The following ATP13A4 variants were observed in gnomAD, a reference collection of about 807,000 sequenced individuals.
The protein encoded by ATP13A4 is probable cation-transporting ATPase 13A4.
In ATP13A4, 114 loss-of-function variants were observed where a neutral mutation model predicts 142.5. That is an observed-to-expected ratio of 0.80 (90% CI 0.69 to 0.93). ATP13A4 has a LOEUF of 0.93. ATP13A4 is among the 40% of genes least tolerant of loss of function. The probability of loss-of-function intolerance (pLI) is 0.00; values close to 1 mark genes in which losing one functional copy is unlikely to be tolerated. For missense variants in ATP13A4, 1,392 were observed against 1,454.0 expected, an observed-to-expected ratio of 0.96 and a Z score of 0.69; for synonymous variants, 488 against 514.8, an observed-to-expected ratio of 0.95 and a Z score of 0.70.
chr3:193,510,651 A>T (rs1721096009), intron 2 of ATP13A4, among the ~76,000 whole-genome samples: 1 of 152,340 alleles, frequency 6.6e-6, no homozygotes, highest in East Asian at 1.9e-4. Context: ...AAAATCTCTC[A>T]GAGTCCTTAA....
rs1714265049 is a variant in ATP13A4, at chr3:193,401,660, G to A, written c.*992C>T. 6.6e-6 allele frequency among the ~76,000 whole-genome samples: 1 copy of A among 152,064 alleles called. No individual in the cohort carries two copies. Among genetic ancestry groups the A allele is most frequent in the Non-Finnish European group, 1.5e-5 (1 of 68,000 alleles). On this transcript the variant is annotated 3_prime_UTR_variant, in exon 30 of 30. Transcript: ENST00000342695. ...TCCAGACCAACTCTATCATTTGTGG[G>A]GCCTGGTACAAAATGAAAATATGGG...
chr3:193,502,920 T>A (rs1484465123), intron 2 of ATP13A4, among the ~76,000 whole-genome samples: 1 of 152,062 alleles, frequency 6.6e-6, no homozygotes, highest in Non-Finnish European at 1.5e-5. Flanking sequence ...GTTCACTGCA[T>A]CACCTTTCAA....
intron 9 of ATP13A4, among the ~76,000 whole-genome samples, chr3:193,468,940 G>T (rs1237699909): frequency 6.6e-6 from 1 of 152,246 alleles, no homozygotes; most frequent in African/African-American, 2.4e-5. Context: ...ACTGTAAGTT[G>T]AAGTTGCCTT....
chr3:193,442,457 G>C lies in ATP13A4; in HGVS notation c.2252C>G (p.Ser751Cys). 6.2e-7 allele frequency: 1 copy of C among 1,614,016 alleles called. No homozygotes were observed. The highest frequency in any genetic ancestry group is 8.5e-7 in the Non-Finnish European group (1 of 1,179,880). The change falls in exon 19 of 30, where the codon TCC becomes TGC. Residue 751 changes from serine (S) to cysteine (C), a missense_variant. Coordinates refer to ENST00000342695, the MANE Select transcript of ATP13A4 (RefSeq NM_032279.4). ...ILIEANETTG[S>C]SSASISWTLV... ...CGTCCAAGATATAGATGCTGATGAG[G>C]ACCCGGTGGTTTCATTTGCCTCAAT...
At chr3:193,543,623 T>G (rs1723064231) in intron 1 of ATP13A4, among the ~76,000 whole-genome samples, 1 of 152,126 alleles carries the variant, frequency 6.6e-6, no homozygotes, top group Non-Finnish European at 1.5e-5. Flanking sequence ...CTCTTGAGGA[T>G]TTTTGCTTCT....
At chr3:193,408,989 A>C (rs1714640437) in intron 28 of ATP13A4, among the ~76,000 whole-genome samples, 1 of 152,242 alleles carries the variant, frequency 6.6e-6, no homozygotes, top group Non-Finnish European at 1.5e-5. Context: ...AAAATGTGGA[A>C]GAAGAATATA....
chr3:193,543,449 T>C (rs1008194927), intron 1 of ATP13A4, among the ~76,000 whole-genome samples: 2 of 152,078 alleles, frequency 1.3e-5, no homozygotes, highest in African/African-American at 4.8e-5. Flanking sequence ...AACAACCCCA[T>C]TGGCAAATGG....
At chr3:193,519,775 G>T (rs951997439) in intron 1 of ATP13A4, among the ~76,000 whole-genome samples, 1 of 151,412 alleles carries the variant, frequency 6.6e-6, no homozygotes, top group Non-Finnish European at 1.5e-5. Context: ...CTCCTGAGTA[G>T]CTGGGATTAC....
rs1016631957 is a variant in ATP13A4 at position 193,422,441 on chromosome 3, G to A, written c.2843-7691C>T. On this transcript the variant is annotated intron_variant, in intron 25 of 29. Transcript: ENST00000342695. Reference sequence around the variant, plus strand: ...AAGAATACACATTATTTTCTAATGCGCATGGAACATTCTCCAGTTTAGATC... The same window carrying A: ...AAGAATACACATTATTTTCTAATGCACATGGAACATTCTCCAGTTTAGATC... Among the ~76,000 whole-genome samples the A allele has an allele frequency of 6.0e-5, 6 of 100,410 alleles. 1 individual carries two copies. The highest frequency in any genetic ancestry group is 1.1e-4 in the Admixed American group (1 of 9,410). The allele number at this position is 100,410 out of a possible 152,430, so 65.9% of individuals were successfully genotyped here. A position where few individuals can be genotyped will look rare whatever the true frequency, so the allele number is the denominator to read the frequency against.
rs190039777 is a variant in ATP13A4, at chr3:193,484,844, A to G, written c.739-839T>C. Among the ~76,000 whole-genome samples the G allele has an allele frequency of 1.8e-4, 27 of 152,362 alleles. 1 individual carries two copies. In the East Asian group the frequency reaches 5.0e-3, roughly 28 times the overall value. ...TGAGAAAAGTAGGTTTTAATCAAGT[A>G]ACTACATATATAAATGTATAATGAC... On this transcript the variant is annotated intron_variant, in intron 7 of 29. Coordinates refer to ENST00000342695, the MANE Select transcript of ATP13A4 (RefSeq NM_032279.4).
At chr3:193,483,039 G>A (rs1038113088) in intron 8 of ATP13A4, among the ~76,000 whole-genome samples, 1 of 152,134 alleles carries the variant, frequency 6.6e-6, no homozygotes, top group Admixed American at 6.6e-5. Flanking sequence ...TCTATACACT[G>A]AGATAGCCTC....
intron 17 of ATP13A4, among the ~76,000 whole-genome samples, chr3:193,451,501 T>G (rs997673350): frequency 6.6e-6 from 1 of 152,230 alleles, no homozygotes; most frequent in Non-Finnish European, 1.5e-5. Context: ...CATGAGCATT[T>G]AATCTGAACC....
At chr3:193,503,185 C>T (rs548921801) in intron 2 of ATP13A4, among the ~76,000 whole-genome samples, 18 of 152,310 alleles carry the variant, frequency 1.2e-4, no homozygotes, top group African/African-American at 4.3e-4. Context: ...ATGTGGAGCA[C>T]TGAGACCTGC....
rs368640670 is a variant in ATP13A4 at position 193,466,088 on chromosome 3, C to G, written c.1209G>C (p.Leu403=). Residue 403 remains leucine (L), a synonymous_variant, in exon 11 of 30, where the codon CTG becomes CTC. Transcript: ENST00000342695. Reference sequence around the variant, plus strand: ...CAATGGTGGCTGTTCCTACAAGGCACAGGAGGAACCTGATGGCATCCCTGT... The same window carrying G: ...CAATGGTGGCTGTTCCTACAAGGCAGAGGAGGAACCTGATGGCATCCCTGT... ...QLYRDAIRFL[L]CLVGTATIGM... is the part of the protein sequence containing the mutation. 6 of 1,614,062 alleles carry G rather than the reference C, an allele frequency of 3.7e-6. No individual in the cohort carries two copies. Among genetic ancestry groups the G allele is most frequent in the Non-Finnish European group, 4.2e-6 (5 of 1,180,022 alleles).
intron 2 of ATP13A4, among the ~76,000 whole-genome samples, chr3:193,568,402 C>A (rs866977703): frequency 6.6e-6 from 1 of 152,206 alleles, no homozygotes; most frequent in African/African-American, 2.4e-5. Context: ...ACAGACACTT[C>A]TCTTCCACTT....
chr3:193,532,792 A>T (rs1260136995), intron 1 of ATP13A4, among the ~76,000 whole-genome samples: 1 of 152,190 alleles, frequency 6.6e-6, no homozygotes, highest in Non-Finnish European at 1.5e-5. Context: ...ATCAGAACAA[A>T]CTCAACTATC....
intron 2 of ATP13A4, among the ~76,000 whole-genome samples, chr3:193,503,228 C>G (rs142691053): frequency 1.9e-3 from 287 of 152,274 alleles, no homozygotes; most frequent in Middle Eastern, 3.4e-3. Context: ...AAGAAAAAAA[C>G]TGAATCCATG....
chr3:193,408,308 A>G (rs1714603583), intron 28 of ATP13A4, among the ~76,000 whole-genome samples: 1 of 152,248 alleles, frequency 6.6e-6, no homozygotes, highest in African/African-American at 2.4e-5. Flanking sequence ...TTTTTATTGC[A>G]GCTTTGTTTG....
intron 25 of ATP13A4, among the ~76,000 whole-genome samples, chr3:193,429,923 G>C (rs1375665809): frequency 6.6e-6 from 1 of 151,986 alleles, no homozygotes; most frequent in South Asian, 2.1e-4. Flanking sequence ...TGGATAGTAA[G>C]ATAAAAATAG....
Sources: allele counts gnomAD v4.1 joint callset (sites outside exome capture counted in the v4.1 genomes callset), GRCh38; gene constraint gnomAD v4.1.1; transcripts MANE v1.5; gene names NCBI Gene and HGNC (gene_info 2026-07-23, HGNC 2026-07-21).